The following DPYSL4 variants were observed in gnomAD, a reference collection of about 807,000 sequenced individuals.
DPYSL4 encodes the protein dihydropyrimidinase-related protein 4.
Under a neutral mutation model 63.4 loss-of-function variants are expected in DPYSL4, and 43 were observed. The observed-to-expected ratio is 0.68, with a 90% confidence interval of 0.53 to 0.88. DPYSL4 has a LOEUF of 0.88. Ranked by LOEUF, DPYSL4 falls within the 40% of genes least tolerant of loss-of-function variation. The pLI is 0.00. For missense variants in DPYSL4, 733 were observed against 819.5 expected, an observed-to-expected ratio of 0.89 and a Z score of 1.29; for synonymous variants, 353 against 331.7, an observed-to-expected ratio of 1.06 and a Z score of -0.70.
At chr10:132,195,080 T>TTCTGCCGATGGTGCTGC (rs1435264399) in intron 4 of DPYSL4, 71 bp downstream of exon 4, 1 of 1,518,492 alleles carries the variant, frequency 6.6e-7, no homozygotes, top group East Asian at 2.3e-5. Context: ...TGACCCTGTG[T>TTCTGCCGATGGTGCTGC]TCTGCCGATG....
At chr10:132,195,895 G>C (rs530215691) in intron 4 of DPYSL4, among the ~76,000 whole-genome samples, 1 of 152,344 alleles carries the variant, frequency 6.6e-6, no homozygotes, top group South Asian at 2.1e-4. Flanking sequence ...CCCTCACCCT[G>C]TGTTGGCAGT....
At position 132,194,866 on chromosome 10, in the gene DPYSL4, C is replaced by G. The variant is rs754982908; in HGVS notation, c.335C>G (p.Thr112Arg). Residue 112 changes from threonine to arginine, a missense_variant, in exon 4 of 14, where the codon ACG becomes AGG. Thr to Arg is a moderately conservative substitution (Grantham distance 71, BLOSUM62 -1). Coordinates refer to ENST00000338492, the MANE Select transcript of DPYSL4 (RefSeq NM_006426.3). ...TMILDHVFPD[T>R]GVSLLAAYEQ... ...ACAGTGGACCACGTCTTCCCCGACA[C>G]GGGTGTGAGCCTGCTGGCGGCCTAC... 1 of 1,612,694 alleles carries G rather than the reference C, an allele frequency of 6.2e-7. No homozygotes were observed. The highest frequency in any genetic ancestry group is 2.2e-5 in the East Asian group (1 of 44,868).
Position 132,192,772 on chromosome 10 carries a change from G to C in DPYSL4, c.243G>C (p.Leu81=). The stretch of plus-strand genomic sequence containing the variant: ...ACACAAGGCTGCAGATGCCTGTCCT[G>C]GGCATGACACCGGCTGACGACTTCT... ...DVHTRLQMPV[L]GMTPADDFCQ... Residue 81 remains leucine, a synonymous_variant, in exon 3 of 14, where the codon CTG becomes CTC. Coordinates refer to ENST00000338492, the MANE Select transcript of DPYSL4 (RefSeq NM_006426.3). 6.2e-7 allele frequency: 1 copy of C among 1,613,288 alleles called. No homozygotes were observed. The highest frequency in any genetic ancestry group is 8.5e-7 in the Non-Finnish European group (1 of 1,179,962).
At chr10:132,200,724 C>A (rs1590103483) in intron 9 of DPYSL4, 118 bp from the exon 10 acceptor site, 3 of 1,414,084 alleles carry the variant, frequency 2.1e-6, no homozygotes, top group South Asian at 2.8e-5. Context: ...CTCTGCCCAG[C>A]GAGAGCCACT....
rs953222192 is a variant in DPYSL4, at chr10:132,194,918, C to T, written c.387C>T (p.Ser129=). ...AYEQWRERAD[S]AACCDYSLHV... is the part of the protein sequence containing the mutation. ...AGCAGTGGCGGGAGCGGGCGGACAG[C>T]GCGGCCTGCTGCGACTACTCCCTGC... Residue 129 remains serine (S), a synonymous_variant, in exon 4 of 14, where the codon AGC becomes AGT. Coordinates refer to ENST00000338492, the MANE Select transcript of DPYSL4 (RefSeq NM_006426.3). 1.2e-5 allele frequency: 20 copies of T among 1,612,396 alleles called. No homozygotes were observed. Among genetic ancestry groups the T allele is most frequent in the Admixed American group, 1.0e-4 (6 of 59,986 alleles).
chr10:132,201,009 G>A (rs766045592), intron 10 of DPYSL4, 26 bp downstream of exon 10: 11 of 1,609,332 alleles, frequency 6.8e-6, no homozygotes, highest in South Asian at 1.1e-5. Flanking sequence ...GCCGGGGCAC[G>A]CCGTCTGGGG....
At position 132,203,502 on chromosome 10, in the gene DPYSL4, C is replaced by T. The variant is rs747121525; in HGVS notation, c.1462-260C>T. The T allele has an allele frequency of 1.3e-3, 693 of 515,498 alleles. 2 individuals carry two copies. The highest frequency in any genetic ancestry group is 1.8e-3 in the Non-Finnish European group (531 of 287,306). 31.9% of individuals were successfully genotyped at this position (515,498 alleles called of 1,614,324 possible). A position where few individuals can be genotyped will look rare whatever the true frequency, so the allele number is the denominator to read the frequency against. ...GTGTTGGTAAGACTGAGGGGAGGGA[C>T]GTTTGCACACACATGCAGATGGGAC... On this transcript the variant is annotated intron_variant, in intron 12 of 13. Coordinates refer to ENST00000338492, the MANE Select transcript of DPYSL4 (RefSeq NM_006426.3).
At chr10:132,199,075 G>T in intron 8 of DPYSL4, 104 bp downstream of exon 8, 1 of 1,454,236 alleles carries the variant, frequency 6.9e-7, no homozygotes. Context: ...ATCGGGGCGG[G>T]GCACTGGACC....
chr10:132,197,224 C>T, intron 6 of DPYSL4, 123 bp downstream of exon 6: 2 of 871,056 alleles, frequency 2.3e-6, no homozygotes, highest in Non-Finnish European at 3.4e-6. Context: ...GCACAGAATC[C>T]CACAAAACCT....
rs762784852 is a variant in DPYSL4 at position 132,198,910 on chromosome 10, G to A, written c.750G>A (p.Leu250=). Residue 250 remains leucine (L), a synonymous_variant, in exon 8 of 14, where the codon CTG becomes CTA. Transcript: ENST00000338492. ...VTIAKQANCP[L]YVTKVMSKGA... ...TCGCCAAGCAGGCAAACTGCCCGCT[G>A]TACGTCACCAAGGTGATGAGCAAGG... 2.8e-5 allele frequency: 45 copies of A among 1,612,848 alleles called. No homozygotes were observed. The highest frequency in any genetic ancestry group is 3.6e-5 in the Non-Finnish European group (43 of 1,179,934).
intron 8 of DPYSL4, 66 bp downstream of exon 8, chr10:132,199,037 G>C: frequency 6.4e-7 from 1 of 1,559,280 alleles, no homozygotes; most frequent in Non-Finnish European, 8.7e-7. Flanking sequence ...TGCAGCCCTG[G>C]GGAGATGCAG....
chr10:132,189,752 C>A (rs116378961), intron 1 of DPYSL4, among the ~76,000 whole-genome samples: 1 of 152,200 alleles, frequency 6.6e-6, no homozygotes, highest in Non-Finnish European at 1.5e-5. Context: ...AGCAATGATC[C>A]GGCTCCCACT....
chr10:132,189,961 C>A (rs1345719535), intron 1 of DPYSL4, among the ~76,000 whole-genome samples: 1 of 152,224 alleles, frequency 6.6e-6, no homozygotes, highest in Admixed American at 6.5e-5. Flanking sequence ...TTCCATCCCT[C>A]GGCCTCCTCC....
intron 7 of DPYSL4, 89 bp from the exon 8 acceptor site, chr10:132,198,762 A>G (rs2061975850): frequency 6.4e-7 from 1 of 1,553,336 alleles, no homozygotes; most frequent in Non-Finnish European, 8.7e-7. Flanking sequence ...CTGGGATCCC[A>G]TGGGTGACAC....
chr10:132,193,774 A>G (rs1036944228), intron 3 of DPYSL4, among the ~76,000 whole-genome samples: 1 of 152,246 alleles, frequency 6.6e-6, no homozygotes, highest in African/African-American at 2.4e-5. Context: ...GTGTGAGTTA[A>G]TGCACGTCAG....
Position 132,192,873 on chromosome 10 carries a change from G to A in DPYSL4, c.313+31G>A, listed in dbSNP as rs566010558. ...TGTCTGGGTCTCCTCCTCTACAGGG[G>A]GCAGCCAGCGTCTGCTGCCCCTCTC... On this transcript the variant is annotated intron_variant, in intron 3 of 13. Transcript: ENST00000338492. The A allele has an allele frequency of 2.6e-6, 4 of 1,560,800 alleles. No homozygotes were observed. In the African/African-American group the frequency reaches 5.5e-5, roughly 21 times the overall value.
chr10:132,198,744 C>T, intron 7 of DPYSL4, 107 bp from the exon 8 acceptor site: 5 of 1,515,304 alleles, frequency 3.3e-6, no homozygotes, highest in Non-Finnish European at 4.5e-6. Flanking sequence ...TACTAGGCTG[C>T]CCTGAGCCTG....
rs769874256 is a variant in DPYSL4, at chr10:132,202,640, C to T, written c.1282-6C>T. 6.2e-6 allele frequency: 10 copies of T among 1,611,740 alleles called. No homozygotes were observed. Among genetic ancestry groups the T allele is most frequent in the East Asian group, 4.5e-5 (2 of 44,892 alleles). On this transcript the variant is annotated splice_region_variant and splice_polypyrimidine_tract_variant and intron_variant, in intron 11 of 13. Transcript: ENST00000338492. ...AGGCACTGGACCCTCGGGCCTCTCT[C>T]CCCAGAACGTGGAGTACAACATCTT...
rs760145755 is a variant in DPYSL4 at position 132,190,816 on chromosome 10, G to C, written c.109G>C (p.Val37Leu). The change falls in exon 2 of 14, where the codon GTG (valine) becomes CTG (leucine). Residue 37 changes from valine to leucine, a missense_variant. Coordinates refer to ENST00000338492, the MANE Select transcript of DPYSL4 (RefSeq NM_006426.3). ...DDQSFYADVH[V>L]EDGLIKQIGE... ...CCAGTCCTTTTACGCTGATGTGCAC[G>C]TGGAAGATGGCTTGATAAAGTAAGT... is the stretch of plus-strand genomic sequence containing the variant. The C allele has an allele frequency of 4.0e-5, 65 of 1,613,362 alleles. No homozygotes were observed. Among genetic ancestry groups the C allele is most frequent in the Non-Finnish European group, 5.5e-5 (65 of 1,179,646 alleles).
Sources: gnomAD v4.1 joint callset for allele counts (sites outside exome capture counted in the v4.1 genomes callset) on GRCh38, gnomAD v4.1.1 for gene constraint, MANE v1.5 for transcripts, NCBI Gene and HGNC (gene_info 2026-07-23, HGNC 2026-07-21) for gene names.